Variants in DCAF8L2 observed in about 807,000 individuals in gnomAD.
DCAF8L2 encodes DDB1- and CUL4-associated factor 8-like protein 2.
For synonymous variants in DCAF8L2, 200 were observed against 190.9 expected (o/e 1.05, Z -0.39); for missense variants, 430 against 490.7 (o/e 0.88, Z 1.17).
the DCAF8L2 span, among the ~76,000 whole-genome samples, chrX:27,547,869 C>T: frequency 2.4e-4 from 14 of 57,541 alleles, no homozygotes; most frequent in East Asian, 2.3e-3. Flanking sequence ...CTCTCTCTCT[C>T]TTTCTCTCTC....
chrX:27,529,733 C>T, the DCAF8L2 span, among the ~76,000 whole-genome samples: 1 of 111,965 alleles, frequency 8.9e-6, no homozygotes, highest in African/African-American at 3.2e-5. Flanking sequence ...AAGAATTGGT[C>T]ATCACACAAA....
At position 27,596,560 on chromosome X, in the gene DCAF8L2, C is replaced by T. The variant is rs7066289; in HGVS notation, c.-342+6120C>T. Among the ~76,000 whole-genome samples, 808 of 111,220 alleles carry T rather than the reference C, an allele frequency of 7.3e-3. 11 individuals are homozygous for T. The highest frequency in any genetic ancestry group is 0.025 in the African/African-American group (762 of 30,655). ...CTGTTTTAGCAATTACATTGTATAA[C>T]GGGTGAAAAACAATATATTTGCTAT... On this transcript the variant is annotated intron_variant, in intron 1 of 4. Coordinates refer to ENST00000451261, the MANE Select transcript of DCAF8L2 (RefSeq NM_001353450.2).
At chrX:27,507,153 A>C in the DCAF8L2 span, among the ~76,000 whole-genome samples, 2 of 111,961 alleles carry the variant, frequency 1.8e-5, no homozygotes, top group Admixed American at 9.6e-5. Flanking sequence ...TGTACTCTTC[A>C]AGATATTATA....
the DCAF8L2 span, among the ~76,000 whole-genome samples, chrX:27,514,465 C>T: frequency 9.3e-6 from 1 of 107,081 alleles, no homozygotes; most frequent in Non-Finnish European, 1.9e-5. Context: ...GTCAGGAGAT[C>T]GAGACCATCC....
intron 4 of DCAF8L2, among the ~76,000 whole-genome samples, chrX:27,738,210 A>AT (rs113440459): frequency 0.052 from 5,852 of 111,753 alleles, 371 homozygotes; most frequent in African/African-American, 0.18. Flanking sequence ...GATTAAGGAA[A>AT]TAGCTTGTAA....
intron 1 of DCAF8L2, among the ~76,000 whole-genome samples, chrX:27,595,517 T>C (rs1926312565): frequency 8.9e-6 from 1 of 112,030 alleles, no homozygotes; most frequent in African/African-American, 3.2e-5. Flanking sequence ...GAGCAACCCT[T>C]TCTGATTTCC....
intron 2 of DCAF8L2, among the ~76,000 whole-genome samples, chrX:27,637,953 G>A (rs955163922): frequency 2.7e-5 from 3 of 111,406 alleles, no homozygotes; most frequent in African/African-American, 9.8e-5. Context: ...TAGACACTAA[G>A]ACAGGATTAA....
chrX:27,530,713 C>CGGA, the DCAF8L2 span, among the ~76,000 whole-genome samples: 3 of 112,089 alleles, frequency 2.7e-5, no homozygotes, highest in Admixed American at 9.5e-5. Context: ...ATATTTCCTG[C>CGGA]TGTCCGCCTT....
the DCAF8L2 span, among the ~76,000 whole-genome samples, chrX:27,549,658 T>A: frequency 9.0e-6 from 1 of 111,487 alleles, no homozygotes; most frequent in African/African-American, 3.3e-5. Context: ...CTAATATATC[T>A]TAGTAAAAGG....
At chrX:27,547,691 C>G in the DCAF8L2 span, among the ~76,000 whole-genome samples, 3 of 111,032 alleles carry the variant, frequency 2.7e-5, no homozygotes, top group Non-Finnish European at 5.7e-5. Context: ...GGGAAGTGGT[C>G]CCCATAATCC....
chrX:27,537,019 T>G, the DCAF8L2 span, among the ~76,000 whole-genome samples: 2 of 112,615 alleles, frequency 1.8e-5, no homozygotes, highest in South Asian at 7.3e-4. Flanking sequence ...TAATTGCTAT[T>G]TGCAAACTGT....
chrX:27,547,891 T>TCTCTTTCTCTCTC, the DCAF8L2 span, among the ~76,000 whole-genome samples: 24 of 57,183 alleles, frequency 4.2e-4, 5 homozygotes, highest in East Asian at 1.9e-3. Flanking sequence ...CTCTCTCTCT[T>TCTCTTTCTCTCTC]TCTCTCTCTC....
the DCAF8L2 span, among the ~76,000 whole-genome samples, chrX:27,482,264 C>T: frequency 9.0e-6 from 1 of 111,220 alleles, no homozygotes; most frequent in Non-Finnish European, 1.9e-5. Context: ...AAATGTGGTC[C>T]TATGTTAAAA....
the DCAF8L2 span, among the ~76,000 whole-genome samples, chrX:27,564,433 G>A: frequency 0.01 from 1,121 of 111,113 alleles, 14 homozygotes; most frequent in African/African-American, 0.034. Context: ...GAATTGAAAG[G>A]TAAAGGAAAG....
At chrX:27,724,325 A>G (rs990624324) in intron 4 of DCAF8L2, among the ~76,000 whole-genome samples, 6 of 111,174 alleles carry the variant, frequency 5.4e-5, no homozygotes, top group African/African-American at 1.9e-4. Flanking sequence ...TTTACTGGAT[A>G]CATTTGATGT....
chrX:27,472,975 T>G, the DCAF8L2 span, among the ~76,000 whole-genome samples: 1 of 111,963 alleles, frequency 8.9e-6, no homozygotes, highest in African/African-American at 3.2e-5. Context: ...TTGCAACACT[T>G]TTTCTTTCCA....
chrX:27,733,981 G>A (rs1181885356), intron 4 of DCAF8L2, among the ~76,000 whole-genome samples: 2 of 110,886 alleles, frequency 1.8e-5, no homozygotes, highest in Non-Finnish European at 3.8e-5. Context: ...ACAAAGTTAA[G>A]CATCTTTTTT....
chrX:27,547,139 G>A, the DCAF8L2 span, among the ~76,000 whole-genome samples: 1 of 111,982 alleles, frequency 8.9e-6, no homozygotes, highest in Non-Finnish European at 1.9e-5. Context: ...AAAGTCACCA[G>A]TCTCTTTGCT....
chrX:27,626,066 G>A (rs1927994048), intron 1 of DCAF8L2, among the ~76,000 whole-genome samples: 2 of 111,779 alleles, frequency 1.8e-5, no homozygotes, highest in African/African-American at 6.5e-5. Flanking sequence ...TAAAAGAGAA[G>A]TAGCTGATGT....
Sources: gnomAD v4.1 joint callset for allele counts (sites outside exome capture counted in the v4.1 genomes callset) on GRCh38, gnomAD v4.1.1 for gene constraint, MANE v1.5 for transcripts, NCBI Gene and HGNC (gene_info 2026-07-23, HGNC 2026-07-21) for gene names.